Variants in SLC22A9 observed in about 807,000 individuals in gnomAD.
The protein encoded by SLC22A9 is organic anion transporter 7.
In SLC22A9, 64 loss-of-function variants were observed where a neutral mutation model predicts 50.1. That is an observed-to-expected ratio of 1.28 (90% CI 1.04 to 1.57). SLC22A9 has a LOEUF of 1.57. Ranked by LOEUF, SLC22A9 falls within the 40% of genes most tolerant of loss-of-function variation. The pLI is 0.00. For synonymous variants in SLC22A9, 261 were observed against 242.5 expected (o/e 1.08, Z -0.71); for missense variants, 757 against 676.1 (o/e 1.12, Z -1.33).
intron 7 of SLC22A9, 129 bp downstream of exon 7, chr11:63,406,840 C>G (rs2015049394): frequency 2.8e-6 from 3 of 1,058,992 alleles, no homozygotes; most frequent in Non-Finnish European, 2.7e-6. Context: ...TGACACCAAT[C>G]TGGGGATTTG....
chr11:63,402,854 C>A (rs11602967), intron 6 of SLC22A9, among the ~76,000 whole-genome samples: 1 of 152,044 alleles, frequency 6.6e-6, no homozygotes, highest in Non-Finnish European at 1.5e-5. Flanking sequence ...ATTAAGGACA[C>A]TAAAATTCCC....
At chr11:63,391,658 A>G (rs1164945535) in intron 6 of SLC22A9, among the ~76,000 whole-genome samples, 1 of 151,928 alleles carries the variant, frequency 6.6e-6, no homozygotes, top group Non-Finnish European at 1.5e-5. Context: ...TTGGCATAGA[A>G]TATCATTTCC....
chr11:63,383,043 G>T (rs1049656189), intron 6 of SLC22A9, among the ~76,000 whole-genome samples: 2 of 152,154 alleles, frequency 1.3e-5, no homozygotes, highest in African/African-American at 4.8e-5. Context: ...ACTGGTATTT[G>T]TCTCACCTCA....
At chr11:63,379,902 T>G (rs1271090639) in intron 5 of SLC22A9, among the ~76,000 whole-genome samples, 1 of 152,138 alleles carries the variant, frequency 6.6e-6, no homozygotes, top group Non-Finnish European at 1.5e-5. Flanking sequence ...TGACTAATTT[T>G]TGTATTTTTA....
chr11:63,373,969 T>C lies in SLC22A9; in HGVS notation c.737T>C (p.Met246Thr). 1 of 1,613,684 alleles carries C rather than the reference T, an allele frequency of 6.2e-7. No homozygotes were observed. The highest frequency in any genetic ancestry group is 8.5e-7 in the Non-Finnish European group (1 of 1,179,772). ...ATGTGCCCTTCTGGTATTGCATTTA[T>C]GACCCTGGCAGGCCTGGCTTTTGCC... Reference protein sequence around the residue: ...LGMCPSGIAFMTLAGLAFAIR... With the variant: ...LGMCPSGIAFTTLAGLAFAIR... The change falls in exon 4 of 10, where the codon ATG becomes ACG. Residue 246 changes from methionine to threonine, a missense_variant. By Grantham distance (81) the Met-to-Thr change is moderately conservative. Transcript: ENST00000279178.
In SLC22A9 at chr11:63,386,434, CTTTTTTTTTTTTTTTTTTTT is replaced by C. The variant is rs71065364; in HGVS notation, c.1073+4172_1073+4191del. ...AGCTATAAATCCACGTGGACCTGGACTTTTTTTTTTTTTTTTTTTTTTTTTTTTTTTTTTGGTAAGTAGGC... is the reference window on the plus strand; with the variant it reads ...AGCTATAAATCCACGTGGACCTGGACTTTTTTTTTTTTTTGGTAAGTAGGC... On this transcript the variant is annotated intron_variant, in intron 6 of 9. Coordinates refer to ENST00000279178, the MANE Select transcript of SLC22A9 (RefSeq NM_080866.3). Among the ~76,000 whole-genome samples, 12 of 33,494 alleles carry C rather than the reference CTTTTTTTTTTTTTTTTTTTT, an allele frequency of 3.6e-4. No individual in the cohort carries two copies. In the South Asian group the frequency reaches 4.1e-3, roughly 11 times the overall value. 22.0% of individuals were successfully genotyped at this position (33,494 alleles called of 152,430 possible).
intron 4 of SLC22A9, among the ~76,000 whole-genome samples, chr11:63,374,814 C>G (rs1177651508): frequency 6.6e-6 from 1 of 152,056 alleles, no homozygotes; most frequent in African/African-American, 2.4e-5. Context: ...GAAGGTGTAG[C>G]AAATTTACTT....
intron 5 of SLC22A9, 127 bp from the exon 6 acceptor site, chr11:63,382,032 G>T: frequency 4.6e-6 from 3 of 653,280 alleles, no homozygotes; most frequent in South Asian, 2.1e-5. Flanking sequence ...TGCATTTTAA[G>T]GCTTATATTT....
At chr11:63,395,738 G>A (rs1255285965) in intron 6 of SLC22A9, among the ~76,000 whole-genome samples, 1 of 152,108 alleles carries the variant, frequency 6.6e-6, no homozygotes, top group Non-Finnish European at 1.5e-5. Context: ...CAGCTGTGGA[G>A]AGAAACCAGC....
At position 63,369,833 on chromosome 11, in the gene SLC22A9, T is replaced by G; in HGVS notation, c.-224T>G. ...TGGGAGTATCTGAGCAAATTATTTC[T>G]TACGTGACTTTAGAGAAAACGGCTA... On this transcript the variant is annotated 5_prime_UTR_variant, in exon 1 of 10. Coordinates refer to ENST00000279178, the MANE Select transcript of SLC22A9 (RefSeq NM_080866.3). The G allele has an allele frequency of 2.0e-6, 1 of 490,864 alleles. No homozygotes were observed. The highest frequency in any genetic ancestry group is 3.6e-6 in the Non-Finnish European group (1 of 280,724). 30.4% of individuals were successfully genotyped at this position (490,864 alleles called of 1,614,324 possible). A position where few individuals can be genotyped will look rare whatever the true frequency, so the allele number is the denominator to read the frequency against.
intron 6 of SLC22A9, among the ~76,000 whole-genome samples, chr11:63,389,670 G>T (rs977171247): frequency 6.6e-6 from 1 of 152,198 alleles, no homozygotes; most frequent in Non-Finnish European, 1.5e-5. Flanking sequence ...ATAGTAGAAT[G>T]ATTTATAATC....
At chr11:63,382,105 G>A in intron 5 of SLC22A9, 54 bp from the exon 6 acceptor site, 1 of 1,405,682 alleles carries the variant, frequency 7.1e-7, no homozygotes, top group Non-Finnish European at 9.9e-7. Flanking sequence ...TGCGCCTACA[G>A]TGCCTACTCT....
chr11:63,381,770 T>G (rs1181298690), intron 5 of SLC22A9, among the ~76,000 whole-genome samples: 2 of 152,182 alleles, frequency 1.3e-5, no homozygotes, highest in East Asian at 3.9e-4. Context: ...GGCAGTGAGC[T>G]GAGAACCAAT....
chr11:63,394,454 G>GA (rs1318956351), intron 6 of SLC22A9, among the ~76,000 whole-genome samples: 2 of 152,070 alleles, frequency 1.3e-5, no homozygotes, highest in African/African-American at 2.4e-5. Flanking sequence ...TTGTTTATCT[G>GA]AAAAAGACAA....
intron 6 of SLC22A9, among the ~76,000 whole-genome samples, chr11:63,398,878 T>G (rs1009052485): frequency 1.3e-5 from 2 of 152,212 alleles, no homozygotes; most frequent in Admixed American, 1.3e-4. Context: ...AAGATGACCT[T>G]AGAGGCTTCT....
intron 2 of SLC22A9, among the ~76,000 whole-genome samples, chr11:63,372,256 G>A (rs2014373644): frequency 6.6e-6 from 1 of 152,126 alleles, no homozygotes; most frequent in Non-Finnish European, 1.5e-5. Flanking sequence ...ATTATATGCA[G>A]AGTAGGCTAT....
At chr11:63,382,347 A>T in intron 6 of SLC22A9, 70 bp downstream of exon 6, 1 of 1,086,072 alleles carries the variant, frequency 9.2e-7, no homozygotes, top group Admixed American at 2.5e-5. Context: ...CATTTCAAGT[A>T]GTACAGCATG....
intron 2 of SLC22A9, among the ~76,000 whole-genome samples, chr11:63,371,952 T>A (rs911468879): frequency 6.6e-6 from 1 of 152,090 alleles, no homozygotes; most frequent in African/African-American, 2.4e-5. Flanking sequence ...TCCACCAACA[T>A]CATGTCTTCT....
chr11:63,392,031 C>G (rs899984359), intron 6 of SLC22A9, among the ~76,000 whole-genome samples: 1 of 151,852 alleles, frequency 6.6e-6, no homozygotes, highest in African/African-American at 2.4e-5. Context: ...TATCTTTAAC[C>G]CATAATTTTA....
Sources: gnomAD v4.1 joint callset for allele counts (sites outside exome capture counted in the v4.1 genomes callset) on GRCh38, gnomAD v4.1.1 for gene constraint, MANE v1.5 for transcripts, NCBI Gene and HGNC (gene_info 2026-07-23, HGNC 2026-07-21) for gene names.